SLC4A4: variants seen among roughly 807,000 people sequenced by gnomAD.
SLC4A4 encodes solute carrier family 4 member 4, also known as electrogenic sodium bicarbonate cotransporter 1.
Under a neutral mutation model 111.5 loss-of-function variants are expected in SLC4A4, and 27 were observed. That is an observed-to-expected ratio of 0.24 (90% CI 0.18 to 0.33). SLC4A4 has a LOEUF of 0.33. Among genes scored for constraint, SLC4A4 ranks in the 10% least tolerant of loss-of-function variants. The pLI, the probability that SLC4A4 is intolerant of heterozygous loss-of-function variation, is 1.00. For synonymous variants in SLC4A4, 443 were observed against 463.4 expected, an observed-to-expected ratio of 0.96 and a Z score of 0.57; for missense variants, 909 against 1,315.5, an observed-to-expected ratio of 0.69 and a Z score of 4.78.
chr4:71,252,243 C>T (rs548568394), intron 2 of SLC4A4, among the ~76,000 whole-genome samples: 12 of 152,240 alleles, frequency 7.9e-5, no homozygotes, highest in East Asian at 1.9e-4. Context: ...ATTTTACTTT[C>T]GGTGTTTTGG....
intron 7 of SLC4A4, among the ~76,000 whole-genome samples, chr4:71,402,067 T>C (rs533907086): frequency 6.6e-5 from 10 of 152,364 alleles, no homozygotes; most frequent in African/African-American, 2.2e-4. Flanking sequence ...TTGCCTATTA[T>C]GTTTAAATAT....
chr4:71,112,692 G>A (rs560932619), intron 2 of SLC4A4, among the ~76,000 whole-genome samples: 4 of 152,232 alleles, frequency 2.6e-5, no homozygotes, highest in Admixed American at 6.5e-5. Context: ...CAAATACCCC[G>A]CTCCAATACT....
Position 71,569,575 on chromosome 4 carries a change from T to C in SLC4A4, c.*1824T>C, listed in dbSNP as rs1167707627. The C allele has an allele frequency of 6.6e-6, 1 of 151,712 alleles. No individual in the cohort carries two copies. Among genetic ancestry groups the C allele is most frequent in the Admixed American group, 6.6e-5 (1 of 15,188 alleles). The allele number at this position is 151,712 out of a possible 1,614,324, so 9.4% of individuals were successfully genotyped here. On this transcript the variant is annotated 3_prime_UTR_variant, in exon 26 of 26. Transcript: ENST00000264485. ...ATTGTGAATGTATACTAAAAAAACA[T>C]TTTAAATGTTAAAATTATAATTTCA...
chr4:71,450,358 T>C (rs190209797), intron 9 of SLC4A4, 31 bp from the exon 10 acceptor site: 1 of 1,547,488 alleles, frequency 6.5e-7, no homozygotes, highest in East Asian at 2.2e-5. Context: ...AGTTATCTTT[T>C]TGGATGAGCA....
At chr4:71,337,071 A>G (rs1358344692) in intron 3 of SLC4A4, among the ~76,000 whole-genome samples, 6 of 152,188 alleles carry the variant, frequency 3.9e-5, no homozygotes, top group Non-Finnish European at 7.3e-5. Context: ...TCACTGACAT[A>G]TTTTAAAGAA....
Position 71,234,571 on chromosome 4 carries a change from G to T in SLC4A4, c.-1-2005G>T, listed in dbSNP as rs191352921. Among the ~76,000 whole-genome samples the T allele has an allele frequency of 4.5e-4, 68 of 152,262 alleles. 1 individual carries two copies. In the East Asian group the frequency reaches 0.013, roughly 29 times the overall value. On this transcript the variant is annotated intron_variant, in intron 1 of 25. Coordinates refer to ENST00000264485, the MANE Select transcript of SLC4A4 (RefSeq NM_001098484.3). ...CTCCCGAGGAGCTGGGATTACAGGC[G>T]TGTGCCACCGTGCCTGCTAATTTTT...
chr4:71,087,465 C>G (rs1742215180), intron 1 of SLC4A4, among the ~76,000 whole-genome samples: 1 of 152,006 alleles, frequency 6.6e-6, no homozygotes, highest in African/African-American at 2.4e-5. Flanking sequence ...TGTGTTTACT[C>G]TTGCTTCTCT....
At chr4:71,432,174 G>A (rs1477305139) in intron 7 of SLC4A4, among the ~76,000 whole-genome samples, 2 of 152,156 alleles carry the variant, frequency 1.3e-5, no homozygotes, top group Non-Finnish European at 2.9e-5. Context: ...TTGATAAGAA[G>A]TGTAGGAGTG....
At chr4:71,205,075 C>T (rs1398554787) in intron 1 of SLC4A4, among the ~76,000 whole-genome samples, 2 of 152,134 alleles carry the variant, frequency 1.3e-5, no homozygotes, top group Non-Finnish European at 2.9e-5. Context: ...ACTGTCCTAG[C>T]AGACAATACC....
At chr4:71,156,114 G>A (rs959744052) in intron 2 of SLC4A4, among the ~76,000 whole-genome samples, 2 of 152,186 alleles carry the variant, frequency 1.3e-5, no homozygotes, top group Non-Finnish European at 2.9e-5. Flanking sequence ...GGACTTGTGG[G>A]AATGATGATG....
intron 6 of SLC4A4, among the ~76,000 whole-genome samples, chr4:71,390,223 A>G (rs903043381): frequency 1.3e-5 from 2 of 152,188 alleles, no homozygotes; most frequent in African/African-American, 2.4e-5. Context: ...GACTTTGTCA[A>G]TCAAACTCAT....
At chr4:71,208,446 A>ATT (rs1361862868) in intron 1 of SLC4A4, among the ~76,000 whole-genome samples, 2 of 147,138 alleles carry the variant, frequency 1.4e-5, no homozygotes, top group African/African-American at 2.5e-5. Flanking sequence ...AAAAAAAAAT[A>ATT]TATATATATA....
chr4:71,435,355 T>C (rs925266205), intron 7 of SLC4A4, among the ~76,000 whole-genome samples: 1 of 152,228 alleles, frequency 6.6e-6, no homozygotes, highest in African/African-American at 2.4e-5. Context: ...TGGGTAGCCA[T>C]ATGCAGAAAA....
intron 1 of SLC4A4, among the ~76,000 whole-genome samples, chr4:71,224,825 T>C (rs888040314): frequency 6.6e-6 from 1 of 152,178 alleles, no homozygotes; most frequent in African/African-American, 2.4e-5. Context: ...AAGAGTATAG[T>C]AGAGTGGTTA....
At chr4:71,215,087 A>G (rs1013141984) in intron 1 of SLC4A4, among the ~76,000 whole-genome samples, 2 of 152,224 alleles carry the variant, frequency 1.3e-5, no homozygotes, top group Non-Finnish European at 2.9e-5. Flanking sequence ...AATTGTGTGT[A>G]ACTCTTTGAG....
intron 3 of SLC4A4, among the ~76,000 whole-genome samples, chr4:71,338,614 T>C (rs1310106005): frequency 6.6e-6 from 1 of 151,652 alleles, no homozygotes; most frequent in Admixed American, 6.6e-5. Context: ...GGGGAAATTC[T>C]AGTTAATTTT....
At chr4:71,158,141 G>GTCTC (rs1272085164) in intron 2 of SLC4A4, among the ~76,000 whole-genome samples, 8 of 120,316 alleles carry the variant, frequency 6.6e-5, no homozygotes, top group African/African-American at 2.4e-4. Context: ...GTGTGTGTGT[G>GTCTC]TCTCTCTCTC....
chr4:71,343,771 A>T (rs1279973842), intron 4 of SLC4A4, among the ~76,000 whole-genome samples: 1 of 152,056 alleles, frequency 6.6e-6, no homozygotes, highest in Non-Finnish European at 1.5e-5. Flanking sequence ...TACTTCCTTT[A>T]TGAATTATCT....
chr4:71,363,265 G>T (rs1200487834), intron 6 of SLC4A4, among the ~76,000 whole-genome samples: 3 of 152,190 alleles, frequency 2.0e-5, no homozygotes, highest in Admixed American at 2.0e-4. Flanking sequence ...AAATATAAGT[G>T]ATATTAGTTG....
Sources: allele counts gnomAD v4.1 joint callset (sites outside exome capture counted in the v4.1 genomes callset), GRCh38; gene constraint gnomAD v4.1.1; transcripts MANE v1.5; gene names NCBI Gene and HGNC (gene_info 2026-07-23, HGNC 2026-07-21).